ARHGAP18: variants seen among roughly 807,000 people sequenced by gnomAD.
ARHGAP18 encodes rho GTPase-activating protein 18.
Under a neutral mutation model 86.2 loss-of-function variants are expected in ARHGAP18, and 67 were observed. The observed-to-expected ratio is 0.78, with a 90% confidence interval of 0.64 to 0.95. The LOEUF (loss-of-function observed/expected upper bound fraction) is 0.95, where lower values mean the gene tolerates loss of function less well. ARHGAP18 is among the 40% of genes least tolerant of loss of function. ARHGAP18 has a pLI of 0.00. For synonymous variants in ARHGAP18, 283 were observed against 280.4 expected (o/e 1.01, Z -0.09); for missense variants, 691 against 780.4 (o/e 0.89, Z 1.37).
intron 5 of ARHGAP18, 88 bp from the exon 6 acceptor site, chr6:129,618,940 G>T (rs1789154038): frequency 5.2e-6 from 6 of 1,164,386 alleles, no homozygotes; most frequent in Middle Eastern, 2.0e-4. Flanking sequence ...ACAGAAAGAA[G>T]TTATACTCAG....
chr6:129,614,594 A>G lies in ARHGAP18; in HGVS notation c.1044+1618T>C, dbSNP rs546485265. On this transcript the variant is annotated intron_variant, in intron 7 of 14. Transcript: ENST00000368149. ...GATTTTTCTTAATAGACTGGATGCA[A>G]TCCTCAGCCGGATCACGTGGCATCA... Among the ~76,000 whole-genome samples, 7 of 152,306 alleles carry G rather than the reference A, an allele frequency of 4.6e-5. 1 individual carries two copies. Among genetic ancestry groups the G allele is most frequent in the Admixed American group, 2.6e-4 (4 of 15,302 alleles).
intron 1 of ARHGAP18, among the ~76,000 whole-genome samples, chr6:129,661,640 C>T (rs1439537754): frequency 4.6e-5 from 7 of 152,072 alleles, no homozygotes; most frequent in South Asian, 2.1e-4. Flanking sequence ...CAGTCTCCTC[C>T]GCTGTATAAT....
intron 1 of ARHGAP18, among the ~76,000 whole-genome samples, chr6:129,669,571 A>T (rs988639872): frequency 6.6e-6 from 1 of 151,614 alleles, no homozygotes; most frequent in African/African-American, 2.4e-5. Flanking sequence ...TGATCACCTG[A>T]GGTCGGGAGT....
chr6:129,581,158 G>A lies in ARHGAP18; in HGVS notation c.1839-1027C>T, dbSNP rs556947972. Among the ~76,000 whole-genome samples, 113 of 152,316 alleles carry A rather than the reference G, an allele frequency of 7.4e-4. 1 individual carries two copies. The highest frequency in any genetic ancestry group is 1.2e-3 in the Non-Finnish European group (81 of 68,014). ...CCCTGAAGACACACTCTCTGGAACT[G>A]AGAAGAGAAAATCAGGTCTGACTTG... On this transcript the variant is annotated intron_variant, in intron 13 of 14. Coordinates refer to ENST00000368149, the MANE Select transcript of ARHGAP18 (RefSeq NM_033515.3).
rs1262239886 is a variant in ARHGAP18, at chr6:129,616,265, C to T, written c.991G>A (p.Glu331Lys). ...LFCVPLTALL[E>K]QDQRKVPGMR... ...CCTGGTACTTTCCTCTGATCTTGTT[C>T]TAATAGCGCTGTCAATGGAACGCAA... Residue 331 changes from glutamate (E) to lysine (K), a missense_variant, in exon 7 of 15, where the codon GAA becomes AAA. Physicochemically the swap from Glu to Lys is moderately conservative, Grantham distance 56. Coordinates refer to ENST00000368149, the MANE Select transcript of ARHGAP18 (RefSeq NM_033515.3). 3.1e-6 allele frequency: 5 copies of T among 1,610,850 alleles called. No individual in the cohort carries two copies. Among genetic ancestry groups the T allele is most frequent in the Non-Finnish European group, 4.2e-6 (5 of 1,178,418 alleles).
chr6:129,578,528 C>T lies in ARHGAP18; in HGVS notation c.1977G>A (p.Lys659=). ...GTTAAGTCTTCTACAATGGCTTTGA[C>T]TTTATAACCCACTCAGCATTTGGGT... ...QLNPNAEWVI[K]SKPL Residue 659 remains lysine (K), a synonymous_variant, in exon 15 of 15, where the codon AAG becomes AAA. Transcript: ENST00000368149. 3.7e-6 allele frequency: 6 copies of T among 1,611,994 alleles called. No homozygotes were observed. Among genetic ancestry groups the T allele is most frequent in the Non-Finnish European group, 5.1e-6 (6 of 1,178,726 alleles).
At chr6:129,675,890 A>T (rs1296211929) in intron 1 of ARHGAP18, among the ~76,000 whole-genome samples, 1 of 151,844 alleles carries the variant, frequency 6.6e-6, no homozygotes, top group East Asian at 1.9e-4. Flanking sequence ...ACTCCACCCC[A>T]CCCTCCTCCA....
At chr6:129,620,613 G>T (rs564333825) in intron 5 of ARHGAP18, among the ~76,000 whole-genome samples, 3 of 152,206 alleles carry the variant, frequency 2.0e-5, no homozygotes, top group Admixed American at 6.5e-5. Flanking sequence ...TTACAGTTTG[G>T]GTTTACCTTT....
At chr6:129,609,059 GGGAA>G (rs1788920332) in intron 8 of ARHGAP18, among the ~76,000 whole-genome samples, 1 of 148,448 alleles carries the variant, frequency 6.7e-6, no homozygotes, top group Non-Finnish European at 1.5e-5. Flanking sequence ...GAGATAGGGA[GGGAA>G]GGAAGAGGAG....
intron 1 of ARHGAP18, among the ~76,000 whole-genome samples, chr6:129,653,016 A>C (rs945035135): frequency 1.4e-4 from 22 of 152,224 alleles, no homozygotes; most frequent in Admixed American, 4.6e-4. Context: ...TTTAAAAAAA[A>C]ATCTGATAAT....
chr6:129,673,962 C>T (rs1223121397), intron 1 of ARHGAP18, among the ~76,000 whole-genome samples: 1 of 152,056 alleles, frequency 6.6e-6, no homozygotes, highest in Non-Finnish European at 1.5e-5. Flanking sequence ...GTAATACATA[C>T]ACACACACAT....
intron 5 of ARHGAP18, among the ~76,000 whole-genome samples, chr6:129,626,887 A>T (rs1441387198): frequency 6.6e-6 from 1 of 152,138 alleles, no homozygotes; most frequent in East Asian, 1.9e-4. Context: ...TGGAAGACAG[A>T]AGATGCTCAT....
At chr6:129,581,114 G>A (rs986962379) in intron 13 of ARHGAP18, among the ~76,000 whole-genome samples, 5 of 152,196 alleles carry the variant, frequency 3.3e-5, no homozygotes, top group Non-Finnish European at 2.9e-5. Context: ...GGCAAGGTTA[G>A]TGGACCACTA....
intron 12 of ARHGAP18, among the ~76,000 whole-genome samples, chr6:129,595,860 C>A (rs1463497547): frequency 6.6e-6 from 1 of 152,158 alleles, no homozygotes; most frequent in Non-Finnish European, 1.5e-5. Flanking sequence ...CTTCCAATTT[C>A]TCAGGCCAAA....
At chr6:129,639,297 T>C (rs1773397796) in intron 2 of ARHGAP18, among the ~76,000 whole-genome samples, 1 of 152,134 alleles carries the variant, frequency 6.6e-6, no homozygotes, top group South Asian at 2.1e-4. Flanking sequence ...CATGCAAATA[T>C]TGTGTAAGAT....
In ARHGAP18 at chr6:129,623,046, A is replaced by C. The variant is rs559372265; in HGVS notation, c.787-4194T>G. On this transcript the variant is annotated intron_variant, in intron 5 of 14. Coordinates refer to ENST00000368149, the MANE Select transcript of ARHGAP18 (RefSeq NM_033515.3). ...AAAAAAAGGAAAAAGAAAAGAATAAAAATTTTCAAAAAAAAATGTAAGGTC... is the reference window on the plus strand; with the variant it reads ...AAAAAAAGGAAAAAGAAAAGAATAACAATTTTCAAAAAAAAATGTAAGGTC... 2.2e-4 allele frequency among the ~76,000 whole-genome samples: 33 copies of C among 149,642 alleles called. No homozygotes were observed. The East Asian group carries it at 6.2e-3, about 28-fold the overall frequency.
intron 5 of ARHGAP18, among the ~76,000 whole-genome samples, chr6:129,626,546 T>G (rs1458601715): frequency 6.6e-6 from 1 of 151,704 alleles, no homozygotes; most frequent in East Asian, 1.9e-4. Context: ...ATAAAGCAAA[T>G]TAACCAAACC....
intron 1 of ARHGAP18, among the ~76,000 whole-genome samples, chr6:129,699,847 A>G (rs1057286433): frequency 6.6e-6 from 1 of 152,220 alleles, no homozygotes; most frequent in Admixed American, 6.5e-5. Flanking sequence ...GTTGATAAGA[A>G]CTTGAAATGC....
At chr6:129,662,250 A>G (rs1430919808) in intron 1 of ARHGAP18, among the ~76,000 whole-genome samples, 1 of 152,272 alleles carries the variant, frequency 6.6e-6, no homozygotes, top group Non-Finnish European at 1.5e-5. Flanking sequence ...ATATGGCAGA[A>G]GATGAAAGTA....
Sources: gnomAD v4.1 joint callset for allele counts (sites outside exome capture counted in the v4.1 genomes callset) on GRCh38, gnomAD v4.1.1 for gene constraint, MANE v1.5 for transcripts, NCBI Gene and HGNC (gene_info 2026-07-23, HGNC 2026-07-21) for gene names.